Variants in PBX1 observed in about 807,000 individuals in gnomAD.
The protein encoded by PBX1 is PBX homeobox 1.
A neutral mutation model predicts 53.4 loss-of-function variants in PBX1; 6 were observed. That is an observed-to-expected ratio of 0.11 (90% CI 0.06 to 0.22). The LOEUF (loss-of-function observed/expected upper bound fraction) is 0.22, where lower values mean the gene tolerates loss of function less well. Ranked by LOEUF, PBX1 falls within the 10% of genes least tolerant of loss-of-function variation. PBX1 has a pLI of 1.00. For missense variants in PBX1, 251 were observed against 551.4 expected, an observed-to-expected ratio of 0.46 and a Z score of 5.46; for synonymous variants, 204 against 212.3, an observed-to-expected ratio of 0.96 and a Z score of 0.34.
chr1:164,664,511 A>G (rs1467693888), intron 2 of PBX1, among the ~76,000 whole-genome samples: 1 of 152,218 alleles, frequency 6.6e-6, no homozygotes, highest in Non-Finnish European at 1.5e-5. Flanking sequence ...AACTAGTCAC[A>G]ATATCAACTG....
intron 2 of PBX1, among the ~76,000 whole-genome samples, chr1:164,885,258 A>T (rs947417474): frequency 6.6e-6 from 1 of 152,220 alleles, no homozygotes; most frequent in Admixed American, 6.5e-5. Flanking sequence ...CAGAGCTCAA[A>T]GACATCATTT....
chr1:164,834,856 CA>C (rs1436176482), intron 8 of PBX1, among the ~76,000 whole-genome samples: 5 of 152,120 alleles, frequency 3.3e-5, no homozygotes, highest in African/African-American at 1.2e-4. Context: ...TTGGCAACAC[CA>C]AACAAAGACA....
At chr1:164,590,990 G>A (rs1446469109) in intron 2 of PBX1, among the ~76,000 whole-genome samples, 3 of 150,676 alleles carry the variant, frequency 2.0e-5, no homozygotes, top group Non-Finnish European at 2.9e-5. Context: ...GACTACAGGC[G>A]TGTGCCACCA....
At chr1:164,579,966 G>C (rs778113308) in intron 2 of PBX1, among the ~76,000 whole-genome samples, 1 of 152,012 alleles carries the variant, frequency 6.6e-6, no homozygotes, top group Non-Finnish European at 1.5e-5. Context: ...TGAGAGAGAG[G>C]CTGACTTGGA....
chr1:164,767,054 T>C (rs1667096647), intron 2 of PBX1, among the ~76,000 whole-genome samples: 1 of 152,084 alleles, frequency 6.6e-6, no homozygotes, highest in Non-Finnish European at 1.5e-5. Context: ...TATAACACAT[T>C]TTCAGGAAGT....
intron 2 of PBX1, among the ~76,000 whole-genome samples, chr1:164,632,421 G>A (rs942710431): frequency 1.2e-4 from 19 of 152,198 alleles, no homozygotes; most frequent in Admixed American, 3.3e-4. Flanking sequence ...TGGGCTCTGA[G>A]TGTAGAGAAG....
At chr1:164,792,382 C>T in intron 2 of PBX1, 112 bp from the exon 3 acceptor site, 1 of 1,502,490 alleles carries the variant, frequency 6.7e-7, no homozygotes, top group Admixed American at 2.3e-5. Flanking sequence ...CCTCAAATGG[C>T]ATCTTGCAAG....
At chr1:164,681,713 T>C (rs894067713) in intron 2 of PBX1, among the ~76,000 whole-genome samples, 3 of 152,214 alleles carry the variant, frequency 2.0e-5, no homozygotes, top group African/African-American at 4.8e-5. Flanking sequence ...ACTGAAAAAC[T>C]ACCTATGAGG....
At chr1:164,759,492 A>T (rs1330236531) in intron 2 of PBX1, among the ~76,000 whole-genome samples, 1 of 152,220 alleles carries the variant, frequency 6.6e-6, no homozygotes, top group East Asian at 1.9e-4. Context: ...TTCATGTGCT[A>T]GCTCCCATTT....
At chr1:164,746,030 G>T (rs966946830) in intron 2 of PBX1, among the ~76,000 whole-genome samples, 1 of 152,192 alleles carries the variant, frequency 6.6e-6, no homozygotes, top group Admixed American at 6.5e-5. Context: ...AGAGGCATAC[G>T]ATTATTTTAT....
chr1:164,685,118 G>A (rs754385571), intron 2 of PBX1, among the ~76,000 whole-genome samples: 3 of 152,118 alleles, frequency 2.0e-5, no homozygotes, highest in Admixed American at 6.5e-5. Flanking sequence ...ACCAAGACGC[G>A]GGCCTCGTTT....
chr1:164,616,657 G>A (rs1460144052), intron 2 of PBX1, among the ~76,000 whole-genome samples: 5 of 152,024 alleles, frequency 3.3e-5, no homozygotes, highest in African/African-American at 9.7e-5. Context: ...TAAATACAAG[G>A]TAAGAACACT....
At chr1:164,648,647 A>G (rs925333558) in intron 2 of PBX1, among the ~76,000 whole-genome samples, 2 of 151,948 alleles carry the variant, frequency 1.3e-5, no homozygotes, top group Non-Finnish European at 2.9e-5. Flanking sequence ...AAGCTACCCC[A>G]CTCTTTCTAC....
At chr1:164,686,159 G>T (rs144739739) in intron 2 of PBX1, among the ~76,000 whole-genome samples, 57 of 152,308 alleles carry the variant, frequency 3.7e-4, no homozygotes, top group East Asian at 2.7e-3. Flanking sequence ...ATGTGTAAAG[G>T]CCTAACACCC....
At chr1:164,625,591 T>G (rs1263353889) in intron 2 of PBX1, among the ~76,000 whole-genome samples, 1 of 152,172 alleles carries the variant, frequency 6.6e-6, no homozygotes, top group Non-Finnish European at 1.5e-5. Context: ...GGGAAAAGTT[T>G]ATAAGCGAGC....
chr1:164,807,122 TG>T (rs1216933655), intron 4 of PBX1, among the ~76,000 whole-genome samples: 1 of 152,092 alleles, frequency 6.6e-6, no homozygotes, highest in Non-Finnish European at 1.5e-5. Context: ...CTGGGTGTTG[TG>T]GCACGTGCCT....
Position 164,849,267 on chromosome 1 carries a change from T to C in PBX1, c.*2591T>C, listed in dbSNP as rs566347092. 1.3e-6 allele frequency: 2 copies of C among 1,530,992 alleles called. No individual in the cohort carries two copies. The highest frequency in any genetic ancestry group is 2.5e-5 in the East Asian group (1 of 40,800). 94.8% of individuals were successfully genotyped at this position (1,530,992 alleles called of 1,614,324 possible). On this transcript the variant is annotated 3_prime_UTR_variant, in exon 9 of 9. Transcript: ENST00000420696. The stretch of plus-strand genomic sequence containing the variant: ...GCACAGGCAGTTTCTCTCCGGGCCG[T>C]AGTTTTCACTGATGATCACCTTTCA...
intron 2 of PBX1, among the ~76,000 whole-genome samples, chr1:164,862,992 A>G (rs1045060503): frequency 6.6e-5 from 10 of 152,116 alleles, no homozygotes; most frequent in African/African-American, 2.2e-4. Flanking sequence ...TTTTCATTGA[A>G]TTGCTCCTCT....
intron 2 of PBX1, among the ~76,000 whole-genome samples, chr1:164,755,377 G>C (rs1205312082): frequency 6.6e-6 from 1 of 152,142 alleles, no homozygotes; most frequent in Non-Finnish European, 1.5e-5. Context: ...TTGAACTCCT[G>C]ACCTCAGGTG....
Sources: allele counts gnomAD v4.1 joint callset (sites outside exome capture counted in the v4.1 genomes callset), GRCh38; gene constraint gnomAD v4.1.1; transcripts MANE v1.5; gene names NCBI Gene and HGNC (gene_info 2026-07-23, HGNC 2026-07-21).